Variants in TTC33 observed in about 807,000 individuals in gnomAD.
The protein encoded by TTC33 is tetratricopeptide repeat protein 33.
In TTC33, 24 loss-of-function variants were observed where a neutral mutation model predicts 29.4. The ratio of observed to expected loss-of-function variants is 0.82; its 90% CI spans 0.59 to 1.15. The LOEUF is 1.15. Ranked by LOEUF, TTC33 falls within the 50% of genes most tolerant of loss-of-function variation. TTC33 has a pLI of 0.00. For synonymous variants in TTC33, 107 were observed against 100.3 expected (o/e 1.07, Z -0.40); for missense variants, 286 against 310.4 (o/e 0.92, Z 0.59).
At chr5:40,737,705 T>A (rs1185299695) in intron 2 of TTC33, among the ~76,000 whole-genome samples, 1 of 152,194 alleles carries the variant, frequency 6.6e-6, no homozygotes, top group Non-Finnish European at 1.5e-5. Flanking sequence ...AACATTTTTG[T>A]CAATCCAAAA....
chr5:40,730,638 A>G lies in TTC33; in HGVS notation c.222-295T>C, dbSNP rs79928569. On this transcript the variant is annotated intron_variant, in intron 2 of 4. Transcript: ENST00000337702. ...CCCGGGCAAACACCATTCTACTCTT[A>G]GACTGCTTTCAGGAGGAGCAGTCAT... Among the ~76,000 whole-genome samples the G allele has an allele frequency of 4.6e-4, 70 of 152,266 alleles. No homozygotes were observed. In the East Asian group the frequency reaches 0.012, roughly 26 times the overall value.
In TTC33 at chr5:40,746,883, G is replaced by A. The variant is rs919852919; in HGVS notation, c.136C>T (p.Arg46Cys). ...DEGNWLHAIK[R>C]RKEILLEGCA... ...CCTTCAAGAAGAATTTCTTTCCTAC[G>A]TTTAATGGCATGAAGCCAGTTCCCT... Residue 46 changes from arginine (R) to cysteine (C), a missense_variant, in exon 2 of 5, where the codon CGT (arginine) becomes TGT (cysteine). Transcript: ENST00000337702. The A allele has an allele frequency of 1.1e-5, 17 of 1,613,826 alleles. No individual in the cohort carries two copies. The highest frequency in any genetic ancestry group is 5.0e-5 in the Admixed American group (3 of 59,986).
rs564155680 is a variant in TTC33, at chr5:40,728,592, G to T, written c.304-116C>A. 18 of 1,007,350 alleles carry T rather than the reference G, an allele frequency of 1.8e-5. No individual in the cohort carries two copies. In the South Asian group the frequency reaches 2.8e-4, roughly 16 times the overall value. 62.4% of individuals were successfully genotyped at this position (1,007,350 alleles called of 1,614,324 possible). A position where few individuals can be genotyped will look rare whatever the true frequency, so the allele number is the denominator to read the frequency against. On this transcript the variant is annotated intron_variant, in intron 3 of 4. Coordinates refer to ENST00000337702, the MANE Select transcript of TTC33 (RefSeq NM_012382.3). ...TTTAGTCCAGTAAAAATAGCATTTC[G>T]GTGATTTTTACCCCTTACTCTGCCA...
intron 2 of TTC33, among the ~76,000 whole-genome samples, chr5:40,732,751 G>A (rs964018683): frequency 6.6e-6 from 1 of 152,044 alleles, no homozygotes; most frequent in Non-Finnish European, 1.5e-5. Flanking sequence ...TGGGACTACA[G>A]GCACATGCCA....
chr5:40,729,984 C>T (rs552041760), intron 3 of TTC33, among the ~76,000 whole-genome samples: 1 of 152,350 alleles, frequency 6.6e-6, no homozygotes, highest in Admixed American at 6.5e-5. Flanking sequence ...CAGACGTGAG[C>T]CATGGCACCT....
rs745336074 is a variant in TTC33 at position 40,728,502 on chromosome 5, T to C, written c.304-26A>G. On this transcript the variant is annotated intron_variant, in intron 3 of 4. Transcript: ENST00000337702. ...CTATAGGCAAAAAAAGACCAAAAAA[T>C]CTGTCAGTAATATTCATAAACTAGC... The C allele has an allele frequency of 3.2e-6, 5 of 1,569,728 alleles. No homozygotes were observed. In the South Asian group the frequency reaches 4.7e-5, roughly 15 times the overall value.
At chr5:40,747,102 A>G in intron 1 of TTC33, 83 bp from the exon 2 acceptor site, 1 of 1,260,290 alleles carries the variant, frequency 7.9e-7, no homozygotes, top group South Asian at 1.5e-5. Context: ...CTCGTTGCCC[A>G]GGCTGGAGTA....
At chr5:40,723,521 A>G (rs1199877649) in intron 4 of TTC33, among the ~76,000 whole-genome samples, 2 of 152,060 alleles carry the variant, frequency 1.3e-5, no homozygotes, top group African/African-American at 4.8e-5. Flanking sequence ...TTAAAAAAAA[A>G]AAAAAAAGAA....
At chr5:40,728,510 T>C (rs1742350383) in intron 3 of TTC33, 34 bp from the exon 4 acceptor site, 2 of 1,556,616 alleles carry the variant, frequency 1.3e-6, no homozygotes, top group Non-Finnish European at 1.7e-6. Context: ...AATCTGTCAG[T>C]AATATTCATA....
At chr5:40,726,214 T>TTATA (rs145884228) in intron 4 of TTC33, among the ~76,000 whole-genome samples, 23 of 149,284 alleles carry the variant, frequency 1.5e-4, no homozygotes, top group Admixed American at 5.4e-4. Flanking sequence ...CATACATATT[T>TTATA]TATATATATA....
At position 40,715,257 on chromosome 5, in the gene TTC33, C is replaced by G. The variant is rs1741975547; in HGVS notation, c.*888G>C. ...AATTCCCAGTCATCAAATGGAAAGA[C>G]ACAAGCAAGAAGTAAGTTGTTTCCA... On this transcript the variant is annotated 3_prime_UTR_variant, in exon 5 of 5. Coordinates refer to ENST00000337702, the MANE Select transcript of TTC33 (RefSeq NM_012382.3). 6.6e-6 allele frequency: 1 copy of G among 152,014 alleles called. No homozygotes were observed. Among genetic ancestry groups the G allele is most frequent in the Admixed American group, 6.6e-5 (1 of 15,248 alleles). 9.4% of individuals were successfully genotyped at this position (152,014 alleles called of 1,614,324 possible).
intron 1 of TTC33, among the ~76,000 whole-genome samples, chr5:40,752,054 G>C (rs1742906213): frequency 6.6e-6 from 1 of 151,902 alleles, no homozygotes; most frequent in Non-Finnish European, 1.5e-5. Context: ...AGCATTTGCT[G>C]CTTTACTTTG....
chr5:40,721,387 G>C (rs1056466033), intron 4 of TTC33, among the ~76,000 whole-genome samples: 1 of 152,092 alleles, frequency 6.6e-6, no homozygotes. Context: ...AAAACAATAC[G>C]ATTCTGGCAT....
At chr5:40,731,135 C>G (rs1398409405) in intron 2 of TTC33, among the ~76,000 whole-genome samples, 1 of 152,220 alleles carries the variant, frequency 6.6e-6, no homozygotes, top group East Asian at 1.9e-4. Context: ...TTGATGTATT[C>G]CTTCATAACA....
intron 2 of TTC33, among the ~76,000 whole-genome samples, chr5:40,735,084 G>A (rs1339623810): frequency 6.6e-6 from 1 of 152,202 alleles, no homozygotes; most frequent in Non-Finnish European, 1.5e-5. Flanking sequence ...TTGTGGAAAG[G>A]AAATAAAACC....
chr5:40,743,853 G>A (rs1386489057), intron 2 of TTC33, among the ~76,000 whole-genome samples: 1 of 152,160 alleles, frequency 6.6e-6, no homozygotes, highest in Admixed American at 6.5e-5. Flanking sequence ...AGCAAAAAAT[G>A]TAATCATGTT....
intron 4 of TTC33, among the ~76,000 whole-genome samples, chr5:40,726,800 G>C (rs1471768025): frequency 6.6e-6 from 1 of 152,018 alleles, no homozygotes; most frequent in Non-Finnish European, 1.5e-5. Context: ...ATTGGCAAAA[G>C]AGATAGTGAT....
At chr5:40,723,075 T>C (rs951471897) in intron 4 of TTC33, among the ~76,000 whole-genome samples, 9 of 152,148 alleles carry the variant, frequency 5.9e-5, no homozygotes, top group Admixed American at 5.2e-4. Flanking sequence ...GAGACTCCAT[T>C]TTGTTCTGTA....
At chr5:40,721,863 C>A (rs1426776434) in intron 4 of TTC33, among the ~76,000 whole-genome samples, 1 of 152,048 alleles carries the variant, frequency 6.6e-6, no homozygotes, top group Non-Finnish European at 1.5e-5. Flanking sequence ...TAAAAGGAAA[C>A]CTATGGAATG....
Sources: gnomAD v4.1 joint callset for allele counts (sites outside exome capture counted in the v4.1 genomes callset) on GRCh38, gnomAD v4.1.1 for gene constraint, MANE v1.5 for transcripts, NCBI Gene and HGNC (gene_info 2026-07-23, HGNC 2026-07-21) for gene names.